Variants in IGF2BP3 observed in about 807,000 individuals in gnomAD.
IGF2BP3 encodes insulin-like growth factor 2 mRNA-binding protein 3.
IGF2BP3 carries 9 observed loss-of-function variants against 73.8 expected under a neutral mutation model. The ratio of observed to expected loss-of-function variants is 0.12; its 90% CI spans 0.07 to 0.21. The LOEUF is 0.21. IGF2BP3 is among the 10% of genes least tolerant of loss of function. The pLI is 1.00. For missense variants in IGF2BP3, 542 were observed against 714.0 expected, an observed-to-expected ratio of 0.76 and a Z score of 2.75; for synonymous variants, 258 against 256.7, an observed-to-expected ratio of 1.01 and a Z score of -0.05.
chr7:23,312,623 GAA>G (rs1583867584), intron 14 of IGF2BP3, 110 bp downstream of exon 14: 1 of 925,196 alleles, frequency 1.1e-6, no homozygotes, highest in Non-Finnish European at 1.7e-6. Context: ...AAAGGGAGAT[GAA>G]AAGTCTTAAG....
intron 3 of IGF2BP3, among the ~76,000 whole-genome samples, chr7:23,378,253 TCTTTTCA>T (rs2128515446): frequency 6.6e-6 from 1 of 152,262 alleles, no homozygotes; most frequent in Non-Finnish European, 1.5e-5. Context: ...AAAGACTTTT[TCTTTTCA>T]CTTTTCAAGT....
intron 3 of IGF2BP3, among the ~76,000 whole-genome samples, chr7:23,370,695 T>TA (rs1785516478): frequency 2.0e-5 from 3 of 152,000 alleles, no homozygotes; most frequent in African/African-American, 7.2e-5. Context: ...TTTTTTTTTT[T>TA]AAGACAGAGT....
chr7:23,334,771 C>G (rs929781750), intron 10 of IGF2BP3, among the ~76,000 whole-genome samples: 1 of 152,182 alleles, frequency 6.6e-6, no homozygotes, highest in Non-Finnish European at 1.5e-5. Context: ...CTGGTGAAGT[C>G]TGCCAATGAG....
chr7:23,347,832 G>A (rs2128503598), intron 6 of IGF2BP3, 98 bp from the exon 7 acceptor site: 1 of 1,422,854 alleles, frequency 7.0e-7, no homozygotes, highest in Non-Finnish European at 9.6e-7. Flanking sequence ...GGGCTTCAGG[G>A]CAAAGCAGAT....
intron 2 of IGF2BP3, among the ~76,000 whole-genome samples, chr7:23,446,583 T>C (rs1029578696): frequency 2.0e-5 from 3 of 151,792 alleles, no homozygotes; most frequent in Admixed American, 6.6e-5. Context: ...AAATAATAAA[T>C]GTAGAAAAAA....
At chr7:23,427,050 G>T (rs973869733) in intron 2 of IGF2BP3, among the ~76,000 whole-genome samples, 2 of 152,102 alleles carry the variant, frequency 1.3e-5, no homozygotes, top group Admixed American at 1.3e-4. Flanking sequence ...TCATCGCTGT[G>T]GTGGACAATC....
At chr7:23,370,433 C>A (rs1248341636) in intron 3 of IGF2BP3, among the ~76,000 whole-genome samples, 2 of 152,118 alleles carry the variant, frequency 1.3e-5, no homozygotes. Flanking sequence ...GATGGAACAA[C>A]AATGTCGGGC....
chr7:23,315,484 AAAC>A (rs1460213778), intron 12 of IGF2BP3, among the ~76,000 whole-genome samples: 1 of 152,208 alleles, frequency 6.6e-6, no homozygotes, highest in Non-Finnish European at 1.5e-5. Context: ...TATTATATAT[AAAC>A]AACCTATTAC....
chr7:23,379,417 A>G (rs1785835070), intron 3 of IGF2BP3, among the ~76,000 whole-genome samples: 1 of 152,216 alleles, frequency 6.6e-6, no homozygotes, highest in Non-Finnish European at 1.5e-5. Context: ...TACCCCTCAG[A>G]TGTGATTCCA....
chr7:23,406,955 A>C (rs539490274), intron 3 of IGF2BP3, among the ~76,000 whole-genome samples: 1 of 152,208 alleles, frequency 6.6e-6, no homozygotes, highest in African/African-American at 2.4e-5. Context: ...CACCTCTCAA[A>C]ATCATGGAGA....
At chr7:23,422,257 C>T (rs1051371563) in intron 2 of IGF2BP3, among the ~76,000 whole-genome samples, 3 of 152,090 alleles carry the variant, frequency 2.0e-5, no homozygotes, top group African/African-American at 7.2e-5. Flanking sequence ...TGTGATCATA[C>T]ATATTACAAA....
chr7:23,455,786 A>C (rs1024290517), intron 2 of IGF2BP3, among the ~76,000 whole-genome samples: 1 of 152,106 alleles, frequency 6.6e-6, no homozygotes, highest in African/African-American at 2.4e-5. Flanking sequence ...CCCGGATTCG[A>C]GCCACTCTCC....
intron 2 of IGF2BP3, among the ~76,000 whole-genome samples, chr7:23,455,823 C>T (rs192658978): frequency 1.2e-4 from 18 of 152,164 alleles, no homozygotes; most frequent in South Asian, 2.1e-4. Context: ...GTAACTGGGA[C>T]TACAGGCGCC....
At chr7:23,448,630 T>C (rs1003428579) in intron 2 of IGF2BP3, among the ~76,000 whole-genome samples, 4 of 151,900 alleles carry the variant, frequency 2.6e-5, no homozygotes, top group Admixed American at 2.6e-4. Flanking sequence ...TGTTTGTTTG[T>C]TTGTTTGTTT....
Position 23,361,552 on chromosome 7 carries a change from C to G in IGF2BP3, c.383G>C (p.Ser128Thr). The change falls in exon 5 of 15, where the codon AGT becomes ACT. Residue 128 changes from serine to threonine, a missense_variant. Transcript: ENST00000258729. ...TGCTTACTGTCTAGCTTGGTCCTTACTGGAATAGGTTACATTTACAACTGC... is the reference window on the plus strand; with the variant it reads ...TGCTTACTGTCTAGCTTGGTCCTTAGTGGAATAGGTTACATTTACAACTGC... ...ETAVVNVTYS[S>T]KDQARQALDK... The G allele has an allele frequency of 6.2e-7, 1 of 1,612,518 alleles. No homozygotes were observed. Among genetic ancestry groups the G allele is most frequent in the Non-Finnish European group, 8.5e-7 (1 of 1,179,562 alleles).
At chr7:23,437,605 A>C (rs1787835981) in intron 2 of IGF2BP3, among the ~76,000 whole-genome samples, 1 of 152,198 alleles carries the variant, frequency 6.6e-6, no homozygotes, top group Non-Finnish European at 1.5e-5. Context: ...GCCAATTCTG[A>C]TAGAAGCAAA....
chr7:23,390,519 G>A (rs1353866950), intron 3 of IGF2BP3, among the ~76,000 whole-genome samples: 1 of 152,206 alleles, frequency 6.6e-6, no homozygotes, highest in Non-Finnish European at 1.5e-5. Flanking sequence ...AACCACCAGA[G>A]CTCGTTAGGA....
chr7:23,408,677 A>G (rs190134156), intron 3 of IGF2BP3, among the ~76,000 whole-genome samples: 7 of 152,332 alleles, frequency 4.6e-5, no homozygotes, highest in Admixed American at 6.5e-5. Flanking sequence ...AAGAACTGCT[A>G]TAACATCCAG....
At chr7:23,403,349 C>G (rs964662525) in intron 3 of IGF2BP3, among the ~76,000 whole-genome samples, 9 of 152,116 alleles carry the variant, frequency 5.9e-5, no homozygotes, top group African/African-American at 1.9e-4. Flanking sequence ...CTGATCATGC[C>G]TAAGTATTTA....
Sources: allele counts gnomAD v4.1 joint callset (sites outside exome capture counted in the v4.1 genomes callset), GRCh38; gene constraint gnomAD v4.1.1; transcripts MANE v1.5; gene names NCBI Gene and HGNC (gene_info 2026-07-23, HGNC 2026-07-21).